The following SYNPR variants were observed in gnomAD, a reference collection of about 807,000 sequenced individuals.
The protein encoded by SYNPR is synaptoporin.
Under a neutral mutation model 32.9 loss-of-function variants are expected in SYNPR, and 23 were observed. That is an observed-to-expected ratio of 0.70 (90% CI 0.50 to 0.99). The LOEUF (loss-of-function observed/expected upper bound fraction) is 0.99. Ranked by LOEUF, SYNPR falls within the 50% of genes least tolerant of loss-of-function variation. SYNPR has a pLI of 0.00. For synonymous variants in SYNPR, 146 were observed against 135.9 expected, an observed-to-expected ratio of 1.07 and a Z score of -0.52; for missense variants, 318 against 349.3, an observed-to-expected ratio of 0.91 and a Z score of 0.71.
chr3:63,493,715 C>T (rs1575673760), intron 3 of SYNPR, among the ~76,000 whole-genome samples: 1 of 148,914 alleles, frequency 6.7e-6, no homozygotes, highest in East Asian at 2.0e-4. Context: ...ACTTGGGAGG[C>T]TGAGGCAGGA....
intron 3 of SYNPR, among the ~76,000 whole-genome samples, chr3:63,517,870 C>T (rs1355469363): frequency 6.6e-6 from 1 of 152,090 alleles, no homozygotes. Flanking sequence ...CATTCTCTGT[C>T]CCTAAGAATT....
At chr3:63,258,842 G>T (rs960801052) in intron 2 of SYNPR, among the ~76,000 whole-genome samples, 1 of 151,890 alleles carries the variant, frequency 6.6e-6, no homozygotes, top group East Asian at 1.9e-4. Flanking sequence ...TAATAAAGAA[G>T]AAAAGAGAGA....
At chr3:63,463,289 T>C (rs1700620018) in intron 2 of SYNPR, among the ~76,000 whole-genome samples, 1 of 152,138 alleles carries the variant, frequency 6.6e-6, no homozygotes, top group African/African-American at 2.4e-5. Flanking sequence ...AGATCCTGGA[T>C]TTTCTTAATA....
intron 2 of SYNPR, among the ~76,000 whole-genome samples, chr3:63,455,377 A>G (rs1217171175): frequency 6.6e-6 from 1 of 152,138 alleles, no homozygotes; most frequent in South Asian, 2.1e-4. Context: ...AATTCACATT[A>G]CACTGTTCAA....
intron 2 of SYNPR, among the ~76,000 whole-genome samples, chr3:63,264,055 G>A (rs960828406): frequency 1.3e-5 from 2 of 152,110 alleles, no homozygotes; most frequent in African/African-American, 4.8e-5. Flanking sequence ...GCCCTTACAT[G>A]TCATCTAAGG....
chr3:63,293,785 GT>G (rs2086766515), intron 2 of SYNPR, among the ~76,000 whole-genome samples: 1 of 67,706 alleles, frequency 1.5e-5, no homozygotes. Flanking sequence ...TGGTTATACT[GT>G]GTGTGTGTGT....
At chr3:63,240,864 A>C (rs1052514575) in intron 1 of SYNPR, among the ~76,000 whole-genome samples, 1 of 152,080 alleles carries the variant, frequency 6.6e-6, no homozygotes, top group African/African-American at 2.4e-5. Context: ...GCACATCACC[A>C]GCTAATTGCC....
chr3:63,483,416 T>C (rs1253269328), intron 3 of SYNPR, among the ~76,000 whole-genome samples: 1 of 152,176 alleles, frequency 6.6e-6, no homozygotes, highest in Non-Finnish European at 1.5e-5. Context: ...TATGCACCTA[T>C]ATGTATGTGT....
intron 2 of SYNPR, among the ~76,000 whole-genome samples, chr3:63,388,253 T>C (rs1406329939): frequency 6.6e-6 from 1 of 152,042 alleles, no homozygotes; most frequent in African/African-American, 2.4e-5. Flanking sequence ...GAAGCTAAGA[T>C]AATATGTCCT....
intron 2 of SYNPR, among the ~76,000 whole-genome samples, chr3:63,408,134 G>GAAGAAAGAA (rs2088386297): frequency 1.3e-5 from 1 of 76,246 alleles, no homozygotes; most frequent in East Asian, 3.3e-4. Context: ...AGAACCAATA[G>GAAGAAAGAA]AAGAAAGAAA....
chr3:63,483,974 T>C (rs1043450595), intron 3 of SYNPR, among the ~76,000 whole-genome samples: 1 of 152,144 alleles, frequency 6.6e-6, no homozygotes, highest in Non-Finnish European at 1.5e-5. Flanking sequence ...CTCAAGTCAT[T>C]TGAACAAAAA....
chr3:63,248,302 C>T (rs1163925242), intron 1 of SYNPR, among the ~76,000 whole-genome samples: 1 of 152,024 alleles, frequency 6.6e-6, no homozygotes, highest in African/African-American at 2.4e-5. Flanking sequence ...CAATAAATAC[C>T]TCGCAGTATT....
chr3:63,233,710 CAG>C (rs34988721), intron 1 of SYNPR, among the ~76,000 whole-genome samples: 38,180 of 152,066 alleles, frequency 0.25, 5,110 homozygotes, highest in Admixed American at 0.34. Flanking sequence ...AGATAAATGA[CAG>C]AGCTAAGAGT....
chr3:63,302,009 C>A (rs2086863147), intron 2 of SYNPR, among the ~76,000 whole-genome samples: 1 of 151,948 alleles, frequency 6.6e-6, no homozygotes, highest in Non-Finnish European at 1.5e-5. Flanking sequence ...TGGTAGGCAC[C>A]CAAATATTTC....
chr3:63,416,621 A>C (rs1448541591), intron 2 of SYNPR, among the ~76,000 whole-genome samples: 1 of 152,016 alleles, frequency 6.6e-6, no homozygotes, highest in Admixed American at 6.6e-5. Flanking sequence ...CTACTAATAA[A>C]GACACACCCA....
intron 1 of SYNPR, among the ~76,000 whole-genome samples, chr3:63,229,815 T>C (rs1267539382): frequency 1.4e-5 from 2 of 142,384 alleles, no homozygotes; most frequent in African/African-American, 5.6e-5. Context: ...TCAAAAGTAA[T>C]GGTTTTGGCC....
chr3:63,433,219 C>T (rs990839209), intron 2 of SYNPR, among the ~76,000 whole-genome samples: 1 of 152,300 alleles, frequency 6.6e-6, no homozygotes, highest in East Asian at 1.9e-4. Context: ...TTTGTCTCCA[C>T]ACTTTCAGCA....
At chr3:63,489,947 G>A (rs754595222) in intron 3 of SYNPR, among the ~76,000 whole-genome samples, 46 of 152,108 alleles carry the variant, frequency 3.0e-4, no homozygotes, top group Admixed American at 1.7e-3. Context: ...TAAGTGGAGC[G>A]GGGAGTGACA....
intron 2 of SYNPR, among the ~76,000 whole-genome samples, chr3:63,344,780 C>T (rs1318276520): frequency 6.6e-6 from 1 of 151,922 alleles, no homozygotes; most frequent in Non-Finnish European, 1.5e-5. Flanking sequence ...AATCAGCCTC[C>T]CCACAGAGCT....
Sources: allele counts gnomAD v4.1 joint callset (sites outside exome capture counted in the v4.1 genomes callset), GRCh38; gene constraint gnomAD v4.1.1; transcripts MANE v1.5; gene names NCBI Gene and HGNC (gene_info 2026-07-23, HGNC 2026-07-21).